BTAF1: variants seen among roughly 807,000 people sequenced by gnomAD.
The protein encoded by BTAF1 is B-TFIID TATA-box binding protein associated factor 1, also known as TATA-binding protein-associated factor 172.
BTAF1 carries 38 observed loss-of-function variants against 227.1 expected under a neutral mutation model. The ratio of observed to expected loss-of-function variants is 0.17; its 90% CI spans 0.13 to 0.22. BTAF1 has a LOEUF of 0.22. Ranked by LOEUF, BTAF1 falls within the 10% of genes least tolerant of loss-of-function variation. The probability of loss-of-function intolerance (pLI) is 1.00; values close to 1 mark genes in which losing one functional copy is unlikely to be tolerated. For synonymous variants in BTAF1, 742 were observed against 751.9 expected (o/e 0.99, Z 0.21); for missense variants, 1,598 against 2,204.0 (o/e 0.73, Z 5.51).
intron 8 of BTAF1, 116 bp downstream of exon 8, chr10:91,957,409 C>T: frequency 1.4e-6 from 1 of 725,268 alleles, no homozygotes; most frequent in East Asian, 2.7e-5. Flanking sequence ...TGTCTCAGGA[C>T]TCAGGGCACG....
rs113445157 is a variant in BTAF1, at chr10:92,014,079, T to G, written c.4584+50T>G. ...GTTAGTGGTATGTTTATTAGCAGAT[T>G]GTTTTGTATGAGCCACAAAACTATT... On this transcript the variant is annotated intron_variant, in intron 32 of 37. Coordinates refer to ENST00000265990, the MANE Select transcript of BTAF1 (RefSeq NM_003972.3). The G allele has an allele frequency of 6.4e-6, 10 of 1,557,986 alleles. 1 individual carries two copies. The African/African-American group carries it at 9.6e-5, about 15-fold the overall frequency.
At chr10:91,952,634 A>G (rs1845847749) in intron 5 of BTAF1, among the ~76,000 whole-genome samples, 1 of 152,144 alleles carries the variant, frequency 6.6e-6, no homozygotes, top group African/African-American at 2.4e-5. Flanking sequence ...ACTTTAAACC[A>G]TTAGAATTTG....
chr10:92,017,709 C>T (rs895418075), intron 33 of BTAF1, among the ~76,000 whole-genome samples: 10 of 151,916 alleles, frequency 6.6e-5, no homozygotes, highest in African/African-American at 2.4e-4. Context: ...TAAGGTCTCA[C>T]CATGTTGCCC....
chr10:91,997,410 A>G (rs2134053223), intron 24 of BTAF1, among the ~76,000 whole-genome samples, 193 bp from the exon 25 acceptor site: 1 of 152,350 alleles, frequency 6.6e-6, no homozygotes, highest in African/African-American at 2.4e-5. Context: ...AAGTTACATA[A>G]TATTTTCCAA....
chr10:92,010,933 C>T (rs1186163915), intron 28 of BTAF1, 140 bp from the exon 29 acceptor site: 3 of 665,212 alleles, frequency 4.5e-6, no homozygotes, highest in Non-Finnish European at 7.9e-6. Flanking sequence ...AGAAGAGTAG[C>T]CCTTCAGGGT....
chr10:91,982,420 T>C, intron 17 of BTAF1, 167 bp from the exon 18 acceptor site: 1 of 1,062,984 alleles, frequency 9.4e-7, no homozygotes, highest in South Asian at 1.8e-5. Flanking sequence ...ATTTATATCT[T>C]CTTATGAAGA....
intron 14 of BTAF1, among the ~76,000 whole-genome samples, chr10:91,968,621 G>A (rs1217232799): frequency 6.6e-6 from 1 of 152,178 alleles, no homozygotes; most frequent in African/African-American, 2.4e-5. Context: ...ACTGCCAACT[G>A]TCTTCCAAGT....
At chr10:91,953,640 A>G (rs1845910613) in intron 5 of BTAF1, 97 bp from the exon 6 acceptor site, 1 of 1,335,204 alleles carries the variant, frequency 7.5e-7, no homozygotes, top group African/African-American at 1.5e-5. Context: ...ATGTATATAT[A>G]CTGAAATTTA....
intron 1 of BTAF1, among the ~76,000 whole-genome samples, chr10:91,933,407 G>A (rs1356760238): frequency 6.6e-6 from 1 of 152,174 alleles, no homozygotes; most frequent in Non-Finnish European, 1.5e-5. Flanking sequence ...ACAAATAACA[G>A]TATACAGTTT....
chr10:91,946,627 AT>A (rs1288579392), intron 4 of BTAF1, among the ~76,000 whole-genome samples: 1 of 152,082 alleles, frequency 6.6e-6, no homozygotes, highest in African/African-American at 2.4e-5. Flanking sequence ...TCTCATTGTG[AT>A]TTTGATTTGC....
At position 92,012,373 on chromosome 10, in the gene BTAF1, A is replaced by G. The variant is rs956607603; in HGVS notation, c.4311+958A>G. 3.9e-5 allele frequency among the ~76,000 whole-genome samples: 5 copies of G among 128,006 alleles called. No individual in the cohort carries two copies. The Admixed American group carries it at 4.3e-4, about 11-fold the overall frequency. 84.0% of individuals were successfully genotyped at this position (128,006 alleles called of 152,430 possible). On this transcript the variant is annotated intron_variant, in intron 30 of 37. Transcript: ENST00000265990. ...GCAATCCTCCCACCTCAGCCTCCCA[A>G]GTAGCTGGGGCCACAAGTGTTAGTG...
chr10:91,938,524 T>C (rs923539157), intron 2 of BTAF1, among the ~76,000 whole-genome samples: 3 of 152,244 alleles, frequency 2.0e-5, no homozygotes, highest in African/African-American at 7.2e-5. Flanking sequence ...GAAAAGACTA[T>C]TATTTCTCCA....
At chr10:92,007,669 A>G (rs760413361) in intron 25 of BTAF1, among the ~76,000 whole-genome samples, 1 of 152,234 alleles carries the variant, frequency 6.6e-6, no homozygotes, top group Non-Finnish European at 1.5e-5. Flanking sequence ...CTTTTGTAAC[A>G]TCTACGCAGA....
At chr10:91,989,079 T>C (rs1330170308) in intron 19 of BTAF1, 75 bp from the exon 20 acceptor site, 1 of 1,306,956 alleles carries the variant, frequency 7.7e-7, no homozygotes, top group Non-Finnish European at 1.0e-6. Context: ...AAGCTTGCTG[T>C]CTACCCTTTA....
intron 32 of BTAF1, 79 bp from the exon 33 acceptor site, chr10:92,016,261 T>C: frequency 1.3e-6 from 2 of 1,516,008 alleles, no homozygotes; most frequent in African/African-American, 1.4e-5. Flanking sequence ...ACTGCTGTTA[T>C]TGGCCTTTGC....
chr10:91,950,160 G>GGT (rs1845666702), intron 4 of BTAF1, among the ~76,000 whole-genome samples: 1 of 118,652 alleles, frequency 8.4e-6, no homozygotes, highest in African/African-American at 2.9e-5. Context: ...GGGGGGGGCG[G>GGT]GAAAGAAGAC....
chr10:91,982,214 G>A lies in BTAF1; in HGVS notation c.2037G>A (p.Met679Ile), dbSNP rs767979029. 1.9e-6 allele frequency: 3 copies of A among 1,613,934 alleles called. No individual in the cohort carries two copies. The highest frequency in any genetic ancestry group is 2.5e-6 in the Non-Finnish European group (3 of 1,179,874). ...ATTTTGTAGTTATGCGGGCCAGAAT[G>A]ATGGCAGCCAAGTGAGTGTACATTA... is the stretch of plus-strand genomic sequence containing the variant. ...TRDFVVMRAR[M>I]MAAKLLGALC... The change falls in exon 17 of 38, where the codon ATG (methionine) becomes ATA (isoleucine). Residue 679 changes from methionine to isoleucine, a missense_variant. Met to Ile is a conservative substitution (Grantham distance 10). Coordinates refer to ENST00000265990, the MANE Select transcript of BTAF1 (RefSeq NM_003972.3).
chr10:91,953,179 G>A (rs138860863), intron 5 of BTAF1, among the ~76,000 whole-genome samples: 2 of 152,230 alleles, frequency 1.3e-5, no homozygotes, highest in African/African-American at 4.8e-5. Context: ...AGGCACAGAA[G>A]GGATTTTTAG....
At chr10:92,028,044 T>C (rs1851646259) in intron 37 of BTAF1, among the ~76,000 whole-genome samples, 2 of 152,174 alleles carry the variant, frequency 1.3e-5, no homozygotes, top group African/African-American at 4.8e-5. Flanking sequence ...TTTTAAATGG[T>C]AACAAATTAA....
Sources: gnomAD v4.1 joint callset for allele counts (sites outside exome capture counted in the v4.1 genomes callset) on GRCh38, gnomAD v4.1.1 for gene constraint, MANE v1.5 for transcripts, NCBI Gene and HGNC (gene_info 2026-07-23, HGNC 2026-07-21) for gene names.